Variants in TENM4 observed in about 807,000 individuals in gnomAD.
The protein encoded by TENM4 is teneurin transmembrane protein 4.
Under a neutral mutation model 243.3 loss-of-function variants are expected in TENM4, and 82 were observed. That is an observed-to-expected ratio of 0.34 (90% CI 0.28 to 0.40). TENM4 has a LOEUF of 0.40. Among genes scored for constraint, TENM4 ranks in the 10% least tolerant of loss-of-function variants. TENM4 has a pLI of 1.00. For missense variants in TENM4, 3,138 were observed against 3,673.3 expected (o/e 0.85, Z 3.77); for synonymous variants, 1,412 against 1,456.3 (o/e 0.97, Z 0.69).
At chr11:78,867,246 C>T (rs1038303517) in intron 9 of TENM4, among the ~76,000 whole-genome samples, 3 of 152,170 alleles carry the variant, frequency 2.0e-5, no homozygotes, top group African/African-American at 7.2e-5. Context: ...CACCTATCTC[C>T]AAACCTCCCA....
At chr11:79,330,417 G>C (rs1681350568) in intron 1 of TENM4, among the ~76,000 whole-genome samples, 1 of 152,158 alleles carries the variant, frequency 6.6e-6, no homozygotes, top group African/African-American at 2.4e-5. Flanking sequence ...CAGGGGGCTA[G>C]GGGGAAAAGC....
At chr11:79,297,863 G>C (rs1856481494) in intron 1 of TENM4, among the ~76,000 whole-genome samples, 1 of 150,932 alleles carries the variant, frequency 6.6e-6, no homozygotes, top group Non-Finnish European at 1.5e-5. Flanking sequence ...AAAATACCAG[G>C]AGAAATAAAG....
chr11:79,438,409 G>T lies in TENM4; in HGVS notation c.-321+2100C>A, dbSNP rs1056441394. Among the ~76,000 whole-genome samples the T allele has an allele frequency of 6.6e-6, 1 of 152,206 alleles. No homozygotes were observed. The highest frequency in any genetic ancestry group is 1.5e-5 in the Non-Finnish European group (1 of 68,038). ...TGCAGAGGCGAGAGGCGAAGGAACG[G>T]AAGCCATACCCGACCCCAGCCCCAT... On this transcript the variant is annotated intron_variant, in intron 1 of 33. Coordinates refer to ENST00000278550, the MANE Select transcript of TENM4 (RefSeq NM_001098816.3). The surrounding 1 kb of genome is among the most constrained non-coding windows in gnomAD (Gnocchi z 4.1).
chr11:79,031,624 G>A (rs1452333735), intron 6 of TENM4, among the ~76,000 whole-genome samples: 1 of 152,148 alleles, frequency 6.6e-6, no homozygotes, highest in African/African-American at 2.4e-5. Flanking sequence ...ACAGAATTGT[G>A]GGATAAGAAG....
chr11:79,286,123 G>A (rs1439823186), intron 2 of TENM4, among the ~76,000 whole-genome samples: 2 of 152,168 alleles, frequency 1.3e-5, no homozygotes, highest in Admixed American at 6.5e-5. Context: ...CAGCTGATTT[G>A]CTAGAAGTGG....
intron 6 of TENM4, among the ~76,000 whole-genome samples, chr11:79,017,057 C>G (rs913403712): frequency 7.9e-5 from 12 of 152,196 alleles, no homozygotes; most frequent in African/African-American, 2.9e-4. Context: ...GAGTCAATTT[C>G]CAGTGGAACT....
At chr11:79,215,223 A>G (rs952377189) in intron 3 of TENM4, among the ~76,000 whole-genome samples, 1 of 152,124 alleles carries the variant, frequency 6.6e-6, no homozygotes, top group African/African-American at 2.4e-5. Flanking sequence ...AGAATCCAGG[A>G]GTTTCCTGCT....
At chr11:78,835,134 A>G (rs1858073186) in intron 12 of TENM4, among the ~76,000 whole-genome samples, 1 of 152,162 alleles carries the variant, frequency 6.6e-6, no homozygotes, top group Non-Finnish European at 1.5e-5. Context: ...TGTAACAGTC[A>G]ACCACAAGCT....
At chr11:78,728,500 C>T (rs913866330) in intron 22 of TENM4, among the ~76,000 whole-genome samples, 22 of 151,244 alleles carry the variant, frequency 1.5e-4, no homozygotes, top group African/African-American at 5.1e-4. Context: ...CTTGCTTCTG[C>T]TCCCTCCCTC....
chr11:79,015,666 G>C (rs1858755444), intron 6 of TENM4, among the ~76,000 whole-genome samples: 2 of 152,168 alleles, frequency 1.3e-5, no homozygotes, highest in African/African-American at 4.8e-5. Flanking sequence ...CACAGTACTT[G>C]AGAGTCTGCT....
intron 1 of TENM4, among the ~76,000 whole-genome samples, chr11:79,347,717 G>GAGT (rs2135471892): frequency 6.6e-6 from 1 of 151,126 alleles, no homozygotes; most frequent in African/African-American, 2.4e-5. Flanking sequence ...CATGCAGCTG[G>GAGT]AGTAATGTAG....
intron 1 of TENM4, among the ~76,000 whole-genome samples, chr11:79,310,325 T>G (rs1172535136): frequency 2.0e-5 from 3 of 152,082 alleles, no homozygotes; most frequent in Non-Finnish European, 4.4e-5. Flanking sequence ...TGGTCCCAAG[T>G]CTAAGATAAT....
At chr11:78,800,011 A>G (rs1421244737) in intron 15 of TENM4, among the ~76,000 whole-genome samples, 1 of 152,218 alleles carries the variant, frequency 6.6e-6, no homozygotes, top group East Asian at 1.9e-4. Context: ...ACCAACAGGG[A>G]CAAATGATGA....
chr11:79,294,381 T>C (rs558366141), intron 2 of TENM4, among the ~76,000 whole-genome samples: 1 of 152,306 alleles, frequency 6.6e-6, no homozygotes, highest in Non-Finnish European at 1.5e-5. Context: ...TTGAAAAAGA[T>C]GTCTCTTCTT....
At chr11:78,862,611 G>T (rs1858851616) in intron 10 of TENM4, among the ~76,000 whole-genome samples, 1 of 152,036 alleles carries the variant, frequency 6.6e-6, no homozygotes, top group Admixed American at 6.6e-5. Context: ...CACTCCCACA[G>T]ATGCCCAACT....
chr11:78,916,351 C>T (rs966768149), intron 6 of TENM4, among the ~76,000 whole-genome samples: 29 of 152,260 alleles, frequency 1.9e-4, no homozygotes, highest in African/African-American at 7.0e-4. Context: ...AATTCACTCT[C>T]ATAGCTCCTT....
intron 3 of TENM4, among the ~76,000 whole-genome samples, chr11:79,182,113 A>C (rs952503023): frequency 6.6e-6 from 1 of 152,186 alleles, no homozygotes; most frequent in East Asian, 1.9e-4. Context: ...TGATATAGAC[A>C]GCAAAAGATC....
At chr11:79,136,389 C>T (rs532618238) in intron 4 of TENM4, among the ~76,000 whole-genome samples, 14 of 152,260 alleles carry the variant, frequency 9.2e-5, no homozygotes, top group African/African-American at 3.1e-4. Context: ...CCCCTGTCAT[C>T]GCCCAGTGGG....
chr11:79,037,007 C>A (rs1489482192), intron 6 of TENM4, among the ~76,000 whole-genome samples: 1 of 95,430 alleles, frequency 1.0e-5, no homozygotes, highest in Non-Finnish European at 2.0e-5. Flanking sequence ...CAGAACAAGA[C>A]TCCATCTCAA....
Sources: allele counts gnomAD v4.1 joint callset (sites outside exome capture counted in the v4.1 genomes callset), GRCh38; gene constraint gnomAD v4.1.1; non-coding constraint Gnocchi (gnomAD v3.1); transcripts MANE v1.5; gene names NCBI Gene and HGNC (gene_info 2026-07-23, HGNC 2026-07-21).